The following IL23R variants were observed in gnomAD, a reference collection of about 807,000 sequenced individuals.
IL23R encodes interleukin-23 receptor.
Under a neutral mutation model 56.9 loss-of-function variants are expected in IL23R, and 34 were observed. The observed-to-expected ratio is 0.60, with a 90% CI of 0.45 to 0.80. IL23R has a LOEUF of 0.80. Among genes scored for constraint, IL23R ranks in the 30% least tolerant of loss-of-function variants. The probability of loss-of-function intolerance (pLI) is 0.00; values close to 1 mark genes in which losing one functional copy is unlikely to be tolerated. For missense variants in IL23R, 635 were observed against 730.0 expected (o/e 0.87, Z 1.50); for synonymous variants, 230 against 249.2 (o/e 0.92, Z 0.73).
At chr1:67,212,828 T>C (rs1203114957) in intron 6 of IL23R, among the ~76,000 whole-genome samples, 1 of 152,156 alleles carries the variant, frequency 6.6e-6, no homozygotes, top group Non-Finnish European at 1.5e-5. Context: ...GTGCTGGTAT[T>C]ACAGGCACGA....
At chr1:67,144,428 G>A in intron 1 of IL23R, among the ~76,000 whole-genome samples, 1 of 152,048 alleles carries the variant, frequency 6.6e-6, no homozygotes. Flanking sequence ...TTGACAAAAA[G>A]GATTATTAAT....
chr1:67,173,514 T>A (rs1035041697), intron 3 of IL23R, among the ~76,000 whole-genome samples: 4 of 152,170 alleles, frequency 2.6e-5, no homozygotes, highest in African/African-American at 9.7e-5. Context: ...TAAATTTATG[T>A]TTCCACACCT....
At chr1:67,238,455 C>G (rs1397622098) in intron 8 of IL23R, among the ~76,000 whole-genome samples, 3 of 152,122 alleles carry the variant, frequency 2.0e-5, no homozygotes, top group East Asian at 3.9e-4. Flanking sequence ...AGTACAGTTC[C>G]CTAATTATAG....
In IL23R at chr1:67,255,135, G is replaced by A. The variant is rs560961729; in HGVS notation, c.1149-702G>A. The stretch of plus-strand genomic sequence containing the variant: ...ATAACATTCTCTTTTTAAATATGCG[G>A]TAGTTACGGTCACCTTGGAAAGTTC... On this transcript the variant is annotated intron_variant, in intron 9 of 10. Transcript: ENST00000347310. Among the ~76,000 whole-genome samples the A allele has an allele frequency of 2.0e-5, 3 of 152,304 alleles. No homozygotes were observed. In the South Asian group the frequency reaches 6.2e-4, roughly 32 times the overall value.
Position 67,217,698 on chromosome 1 carries a change from C to A in IL23R, c.799-1876C>A, listed in dbSNP as rs566308740. 7.5e-5 allele frequency among the ~76,000 whole-genome samples: 11 copies of A among 147,158 alleles called. No individual in the cohort carries two copies. The East Asian group carries it at 9.1e-4, about 12-fold the overall frequency. ...GGCTTATGGAAACTCTGAAAGATAT[C>A]TTTCATGCAGAGTTTGAAAAATATC... On this transcript the variant is annotated intron_variant, in intron 6 of 10. Coordinates refer to ENST00000347310, the MANE Select transcript of IL23R (RefSeq NM_144701.3).
At chr1:67,212,877 CT>C (rs879723199) in intron 6 of IL23R, among the ~76,000 whole-genome samples, 164 of 149,052 alleles carry the variant, frequency 1.1e-3, no homozygotes, top group Non-Finnish European at 1.8e-3. Context: ...CTTTCTTTTT[CT>C]TTTTTTTTCT....
intron 6 of IL23R, among the ~76,000 whole-genome samples, chr1:67,210,614 C>A (rs562719784): frequency 6.6e-6 from 1 of 152,216 alleles, no homozygotes; most frequent in East Asian, 1.9e-4. Context: ...AGTCACTCAT[C>A]ACTATGCCTG....
At chr1:67,252,444 G>T (rs1208498804) in intron 9 of IL23R, among the ~76,000 whole-genome samples, 1 of 152,030 alleles carries the variant, frequency 6.6e-6, no homozygotes, top group Non-Finnish European at 1.5e-5. Flanking sequence ...TCCAGTTTCT[G>T]TTGTGACTTC....
At chr1:67,242,907 T>C (rs1336042475) in intron 9 of IL23R, among the ~76,000 whole-genome samples, 1 of 152,230 alleles carries the variant, frequency 6.6e-6, no homozygotes, top group Non-Finnish European at 1.5e-5. Context: ...TATTTAAATG[T>C]CCAATCAGGT....
chr1:67,157,370 C>A (rs1456319257), intron 1 of IL23R, among the ~76,000 whole-genome samples: 1 of 152,182 alleles, frequency 6.6e-6, no homozygotes, highest in African/African-American at 2.4e-5. Flanking sequence ...GGCCACTTTA[C>A]CCAACCTTTC....
intron 9 of IL23R, among the ~76,000 whole-genome samples, chr1:67,246,474 C>T (rs6701313): frequency 0.057 from 8,734 of 152,286 alleles, 290 homozygotes; most frequent in Middle Eastern, 0.088. Context: ...CTTCTACACA[C>T]TGCTATAAAT....
At chr1:67,144,121 G>A (rs890587673) in intron 1 of IL23R, among the ~76,000 whole-genome samples, 2 of 152,216 alleles carry the variant, frequency 1.3e-5, no homozygotes, top group African/African-American at 2.4e-5. Context: ...AGTTGATGGT[G>A]AAGCTACTGT....
At chr1:67,211,631 A>AC (rs1649481143) in intron 6 of IL23R, among the ~76,000 whole-genome samples, 1 of 152,150 alleles carries the variant, frequency 6.6e-6, no homozygotes, top group African/African-American at 2.4e-5. Context: ...CAGAGGAAAA[A>AC]AAAAAAAAGG....
At chr1:67,244,870 G>A (rs1652108766) in intron 9 of IL23R, among the ~76,000 whole-genome samples, 1 of 152,048 alleles carries the variant, frequency 6.6e-6, no homozygotes, top group East Asian at 1.9e-4. Context: ...TAGCTTGATG[G>A]GGATAGCATT....
chr1:67,164,156 C>T (rs1260973166), upstream of IL23R, among the ~76,000 whole-genome samples: 10 of 152,116 alleles, frequency 6.6e-5, no homozygotes, highest in Non-Finnish European at 1.5e-5. Context: ...TCAAATGACT[C>T]AATAGCAAAA....
At chr1:67,261,807 C>T (rs970690656), downstream of IL23R, among the ~76,000 whole-genome samples, 2 of 152,192 alleles carry the variant, frequency 1.3e-5, no homozygotes, top group African/African-American at 4.8e-5. Context: ...TTTTATCAAG[C>T]TTAAAGGATT....
chr1:67,155,614 T>G (rs1304771112), intron 1 of IL23R, among the ~76,000 whole-genome samples: 1 of 152,186 alleles, frequency 6.6e-6, no homozygotes, highest in Non-Finnish European at 1.5e-5. Context: ...CTTCATTAAG[T>G]TCTCATGCTG....
intron 5 of IL23R, among the ~76,000 whole-genome samples, chr1:67,205,441 C>T (rs930338225): frequency 6.6e-6 from 1 of 152,122 alleles, no homozygotes; most frequent in African/African-American, 2.4e-5. Context: ...AAAACCACGC[C>T]TACAGGCCCT....
At position 67,219,093 on chromosome 1, in the gene IL23R, A is replaced by G. The variant is rs146616613; in HGVS notation, c.799-481A>G. On this transcript the variant is annotated intron_variant, in intron 6 of 10. Transcript: ENST00000347310. ...AAACATAAAGCAGTATGGGCTGGGC[A>G]CGGTGGCTCACACCTGTAATCCCAG... is the stretch of plus-strand genomic sequence containing the variant. Among the ~76,000 whole-genome samples, 748 of 152,152 alleles carry G rather than the reference A, an allele frequency of 4.9e-3. 6 individuals carry two copies. Among genetic ancestry groups the G allele is most frequent in the African/African-American group, 0.017 (712 of 41,492 alleles).
Sources: gnomAD v4.1 joint callset for allele counts (sites outside exome capture counted in the v4.1 genomes callset) on GRCh38, gnomAD v4.1.1 for gene constraint, MANE v1.5 for transcripts, NCBI Gene and HGNC (gene_info 2026-07-23, HGNC 2026-07-21) for gene names.